SLC47A2: variants seen among roughly 807,000 people sequenced by gnomAD.
SLC47A2 encodes solute carrier family 47 member 2.
SLC47A2 carries 52 observed loss-of-function variants against 67.7 expected under a neutral mutation model. That is an observed-to-expected ratio of 0.77 (90% CI 0.61 to 0.97). SLC47A2 has a LOEUF of 0.97. Ranked by LOEUF, SLC47A2 falls within the 50% of genes least tolerant of loss-of-function variation. SLC47A2 has a pLI of 0.00. For synonymous variants in SLC47A2, 278 were observed against 292.9 expected, an observed-to-expected ratio of 0.95 and a Z score of 0.52; for missense variants, 676 against 712.3, an observed-to-expected ratio of 0.95 and a Z score of 0.58.
At chr17:19,702,541 G>C in intron 13 of SLC47A2, 64 bp downstream of exon 13, 1 of 1,599,780 alleles carries the variant, frequency 6.3e-7, no homozygotes. Flanking sequence ...CGAGGTCCTG[G>C]GGAGGGCACA....
At chr17:19,706,400 G>A (rs757285843) in intron 9 of SLC47A2, among the ~76,000 whole-genome samples, 1 of 152,228 alleles carries the variant, frequency 6.6e-6, no homozygotes, top group African/African-American at 2.4e-5. Context: ...AAAGGCCCAA[G>A]TCTGCCTCCT....
intron 13 of SLC47A2, among the ~76,000 whole-genome samples, chr17:19,688,111 G>A (rs1447422909): frequency 6.6e-6 from 1 of 152,104 alleles, no homozygotes; most frequent in African/African-American, 2.4e-5. Flanking sequence ...CAGTATCCCT[G>A]ATAAACATTG....
intron 13 of SLC47A2, among the ~76,000 whole-genome samples, chr17:19,688,322 A>T (rs996973059): frequency 2.0e-5 from 3 of 147,076 alleles, no homozygotes; most frequent in African/African-American, 5.0e-5. Flanking sequence ...CTTCATGATT[A>T]AAAAAAAAAA....
upstream of SLC47A2, chr17:19,716,721 C>G (rs146770799): frequency 2.0e-4 from 212 of 1,053,730 alleles, no homozygotes; most frequent in African/African-American, 3.3e-3. Flanking sequence ...GCCCTGCCTC[C>G]TAGGGCACTG....
intron 13 of SLC47A2, among the ~76,000 whole-genome samples, chr17:19,699,023 C>A (rs552922996): frequency 2.9e-4 from 44 of 152,180 alleles, no homozygotes; most frequent in Non-Finnish European, 5.9e-4. Flanking sequence ...GATTTTGGTA[C>A]CTTGCGGGGT....
intron 2 of SLC47A2, 59 bp from the exon 3 acceptor site, chr17:19,714,848 C>T (rs1364035337): frequency 1.2e-6 from 2 of 1,607,646 alleles, no homozygotes; most frequent in African/African-American, 2.7e-5. Context: ...AGAGAGGCCC[C>T]TGCATCTGGG....
At chr17:19,711,329 C>T (rs553413166) in intron 5 of SLC47A2, among the ~76,000 whole-genome samples, 10 of 151,494 alleles carry the variant, frequency 6.6e-5, no homozygotes, top group African/African-American at 2.4e-4. Flanking sequence ...TGGTGGCTCA[C>T]GCCTGTAATC....
At chr17:19,716,321 G>A in intron 1 of SLC47A2, 112 bp downstream of exon 1, 4 of 1,439,654 alleles carry the variant, frequency 2.8e-6, no homozygotes, top group Non-Finnish European at 2.8e-6. Flanking sequence ...GTCAACATGG[G>A]CAGTTTCTGG....
chr17:19,698,570 T>C (rs2085716226), intron 13 of SLC47A2, among the ~76,000 whole-genome samples: 1 of 152,164 alleles, frequency 6.6e-6, no homozygotes, highest in Admixed American at 6.5e-5. Flanking sequence ...AGGCTGGTCT[T>C]GAACTCCTGA....
chr17:19,695,515 C>CAAAAAAAAAAAAAAAAAAAAAAAGA (rs201305334), intron 13 of SLC47A2, among the ~76,000 whole-genome samples: 1 of 91,406 alleles, frequency 1.1e-5, no homozygotes, highest in African/African-American at 3.9e-5. Context: ...AAAAAAACAG[C>CAAAAAAAAAAAAAAAAAAAAAAAGA]AAAAAAAAAA....
At position 19,713,962 on chromosome 17, in the gene SLC47A2, G is replaced by C. The variant is rs1435245429; in HGVS notation, c.306C>G (p.Ser102Arg). 2 of 1,612,050 alleles carry C rather than the reference G, an allele frequency of 1.2e-6. No individual in the cohort carries two copies. Among genetic ancestry groups the C allele is most frequent in the African/African-American group, 2.7e-5 (2 of 74,880 alleles). Residue 102 changes from serine to arginine, a missense_variant, in exon 4 of 17, where the codon AGC becomes AGG. Ser to Arg is a moderately radical substitution (Grantham distance 110). Coordinates refer to ENST00000433844, the MANE Select transcript of SLC47A2 (RefSeq NM_001099646.3). ...TCACGCCCACGTGCTTCTTGTTGGG[G>C]CTGCCGAAGCTCTGCAAAACAGCCC... The part of the protein sequence containing the change: ...CDTLMSQSFG[S>R]PNKKHVGVIL...
At chr17:19,704,901 C>T (rs2085889414) in intron 10 of SLC47A2, 5 of 452,544 alleles carry the variant, frequency 1.1e-5, no homozygotes, top group Non-Finnish European at 1.9e-5. Context: ...TCTCGGCTCA[C>T]TGCAACCTCC....
rs542231270 is a variant in SLC47A2, at chr17:19,699,121, C to A, written c.1164+3484G>T. 3.8e-4 allele frequency among the ~76,000 whole-genome samples: 57 copies of A among 151,794 alleles called. 2 individuals carry two copies. The South Asian group carries it at 0.012, about 32-fold the overall frequency. ...AGATCACTGGAATGGAAGAGAGAGCCCAGAAATAGACCCATACAAATACAG... is the reference window on the plus strand; with the variant it reads ...AGATCACTGGAATGGAAGAGAGAGCACAGAAATAGACCCATACAAATACAG... On this transcript the variant is annotated intron_variant, in intron 13 of 16. Coordinates refer to ENST00000433844, the MANE Select transcript of SLC47A2 (RefSeq NM_001099646.3).
In SLC47A2 at chr17:19,707,855, G is replaced by T; in HGVS notation, c.630-12C>A. ...CATAGGCGGAGCCCCTGGGTAAGGA[G>T]GGAGAACAGGGCTGCGACTGATGCC... On this transcript the variant is annotated splice_polypyrimidine_tract_variant and intron_variant, in intron 7 of 16. Transcript: ENST00000433844. 1 of 1,576,042 alleles carries T rather than the reference G, an allele frequency of 6.3e-7. No individual in the cohort carries two copies. The highest frequency in any genetic ancestry group is 1.4e-5 in the African/African-American group (1 of 73,878).
chr17:19,696,997 A>G (rs2152346300), intron 13 of SLC47A2, among the ~76,000 whole-genome samples: 1 of 152,330 alleles, frequency 6.6e-6, no homozygotes, highest in African/African-American at 2.4e-5. Flanking sequence ...TGCTCTTAAG[A>G]TAATGACATT....
chr17:19,716,796 A>AC, upstream of SLC47A2: 1 of 524,380 alleles, frequency 1.9e-6, no homozygotes, highest in Admixed American at 3.8e-5. Flanking sequence ...AGTCACCCAG[A>AC]CCGCTGCCTG....
chr17:19,712,881 C>T, intron 4 of SLC47A2, 136 bp from the exon 5 acceptor site: 1 of 775,332 alleles, frequency 1.3e-6, no homozygotes, highest in Non-Finnish European at 2.1e-6. Context: ...ACCTCAGCAT[C>T]AGGGGCTGCT....
intron 1 of SLC47A2, chr17:19,715,779 T>C (rs2086248497): frequency 7.3e-6 from 1 of 137,350 alleles, no homozygotes; most frequent in Non-Finnish European, 1.5e-5. Flanking sequence ...CGATCTCGGC[T>C]CACTGCAACC....
Position 19,715,094 on chromosome 17 carries a change from C to G in SLC47A2, c.225+22G>C, listed in dbSNP as rs752265562. 3.7e-6 allele frequency: 6 copies of G among 1,608,040 alleles called. No individual in the cohort carries two copies. The Admixed American group carries it at 1.0e-4, about 27-fold the overall frequency. On this transcript the variant is annotated intron_variant, in intron 2 of 16. Coordinates refer to ENST00000433844, the MANE Select transcript of SLC47A2 (RefSeq NM_001099646.3). ...AGCCTGGGGAGAGAACGTCCCTGCT[C>G]TGGGCCAAGCTGGGTACTCACGGCC...
Sources: allele counts gnomAD v4.1 joint callset (sites outside exome capture counted in the v4.1 genomes callset), GRCh38; gene constraint gnomAD v4.1.1; transcripts MANE v1.5; gene names NCBI Gene and HGNC (gene_info 2026-07-23, HGNC 2026-07-21).